NOMO1: variants seen among roughly 807,000 people sequenced by gnomAD.
NOMO1 encodes the protein NODAL modulator 1, also known as nodal modulator 3.
NOMO1 carries 40 observed loss-of-function variants against 133.8 expected under a neutral mutation model. That is an observed-to-expected ratio of 0.30 (90% CI 0.23 to 0.39). NOMO1 has a LOEUF of 0.39. Among genes scored for constraint, NOMO1 ranks in the 10% least tolerant of loss-of-function variants. The pLI is 1.00. For missense variants in NOMO1, 462 were observed against 1,419.9 expected (o/e 0.33, Z 10.84); for synonymous variants, 236 against 570.5 (o/e 0.41, Z 8.36).
At chr16:14,851,205 G>A (rs1963754161) in intron 6 of NOMO1, among the ~76,000 whole-genome samples, 1 of 151,566 alleles carries the variant, frequency 6.6e-6, no homozygotes, top group Non-Finnish European at 1.5e-5. Flanking sequence ...TTATTAATAT[G>A]AGATTGGGAT....
At position 14,853,674 on chromosome 16, in the gene NOMO1, T is replaced by C. The variant is rs1190865178; in HGVS notation, c.873+70T>C. On this transcript the variant is annotated intron_variant, in intron 8 of 30. Transcript: ENST00000287667. Reference sequence around the variant, plus strand: ...TGACACAGTAAAAGCCAATGCTGTTTGGGTGTTAAAGGAAAAGATGGTTGG... The same window carrying C: ...TGACACAGTAAAAGCCAATGCTGTTCGGGTGTTAAAGGAAAAGATGGTTGG... 4 of 1,610,490 alleles carry C rather than the reference T, an allele frequency of 2.5e-6. No individual in the cohort carries two copies. The Admixed American group carries it at 6.7e-5, about 27-fold the overall frequency.
intron 29 of NOMO1, among the ~76,000 whole-genome samples, chr16:14,891,936 C>A (rs1186128154): frequency 6.6e-6 from 1 of 152,052 alleles, no homozygotes; most frequent in Non-Finnish European, 1.5e-5. Context: ...ACAGTAGAGA[C>A]CTGGTTAGAA....
At chr16:14,845,602 A>G (rs1567537137) in intron 4 of NOMO1, among the ~76,000 whole-genome samples, 1 of 151,892 alleles carries the variant, frequency 6.6e-6, no homozygotes, top group Non-Finnish European at 1.5e-5. Context: ...CTCAGGGGAG[A>G]GTCATTTCTC....
Position 14,846,669 on chromosome 16 carries a change from A to G in NOMO1, c.495A>G (p.Thr165=), listed in dbSNP as rs779441604. ...GTEAKIQSTV[T]QPGGKFAFFK... is the part of the protein sequence containing the mutation. ...AAGCAAAGATCCAGTCCACAGTTACACAGCCTGGCGGAAAGTGAGTAGCGT... is the reference window on the plus strand; with the variant it reads ...AAGCAAAGATCCAGTCCACAGTTACGCAGCCTGGCGGAAAGTGAGTAGCGT... The change falls in exon 5 of 31, where the codon ACA becomes ACG. Residue 165 remains threonine (T), a synonymous_variant. Coordinates refer to ENST00000287667, the MANE Select transcript of NOMO1 (RefSeq NM_014287.4). 5 of 1,264,470 alleles carry G rather than the reference A, an allele frequency of 4.0e-6. No homozygotes were observed. The highest frequency in any genetic ancestry group is 5.6e-6 in the Non-Finnish European group (5 of 895,216). 78.3% of individuals were successfully genotyped at this position (1,264,470 alleles called of 1,614,324 possible).
chr16:14,853,664 C>T, intron 8 of NOMO1, 60 bp downstream of exon 8: 2 of 1,611,078 alleles, frequency 1.2e-6, no homozygotes, highest in Admixed American at 1.7e-5. Context: ...CAGTAAAAGC[C>T]AATGCTGTTT....
intron 11 of NOMO1, among the ~76,000 whole-genome samples, chr16:14,860,655 T>G (rs1963910696): frequency 6.6e-6 from 1 of 151,974 alleles, no homozygotes; most frequent in Admixed American, 6.6e-5. Context: ...GTTTCTTATT[T>G]GAGCCACTGG....
intron 2 of NOMO1, among the ~76,000 whole-genome samples, chr16:14,839,577 CAT>C (rs1490361700): frequency 2.0e-5 from 3 of 150,304 alleles, no homozygotes; most frequent in African/African-American, 7.3e-5. Context: ...AGTCAATACA[CAT>C]AGTTTTGATT....
Position 14,859,381 on chromosome 16 carries a change from G to A in NOMO1, c.1220+1726G>A, listed in dbSNP as rs569485398. On this transcript the variant is annotated intron_variant, in intron 11 of 30. Coordinates refer to ENST00000287667, the MANE Select transcript of NOMO1 (RefSeq NM_014287.4). ...CTCAGAAAGTAATTCTTGGATTTAA[G>A]TCTTTCCCACCTTCCATAAACACTT... 2.0e-5 allele frequency among the ~76,000 whole-genome samples: 3 copies of A among 152,094 alleles called. No individual in the cohort carries two copies. The East Asian group carries it at 5.8e-4, about 29-fold the overall frequency.
intron 29 of NOMO1, among the ~76,000 whole-genome samples, chr16:14,892,171 G>A (rs1964413941): frequency 6.6e-6 from 1 of 151,726 alleles, no homozygotes; most frequent in Non-Finnish European, 1.5e-5. Context: ...TGTGAACCTG[G>A]GATGCAGAGT....
At chr16:14,844,958 G>A (rs1471074486) in intron 4 of NOMO1, among the ~76,000 whole-genome samples, 184 bp downstream of exon 4, 1 of 151,956 alleles carries the variant, frequency 6.6e-6, no homozygotes, top group Non-Finnish European at 1.5e-5. Context: ...GTGTATTTAG[G>A]AATGAGATTG....
intron 3 of NOMO1, among the ~76,000 whole-genome samples, chr16:14,843,551 C>T (rs1963636401): frequency 6.6e-6 from 1 of 151,834 alleles, no homozygotes; most frequent in African/African-American, 2.4e-5. Flanking sequence ...TTTAGCCCTT[C>T]TGGTGGGGGT....
chr16:14,842,576 C>G (rs1597091967), intron 3 of NOMO1, among the ~76,000 whole-genome samples: 1 of 151,816 alleles, frequency 6.6e-6, no homozygotes, highest in East Asian at 1.9e-4. Flanking sequence ...CAGAAAAGTG[C>G]CTTGGATGAA....
rs1370796361 is a variant in NOMO1, at chr16:14,876,530, A to G, written c.2516+12A>G. On this transcript the variant is annotated intron_variant, in intron 21 of 30. Transcript: ENST00000287667. ...AAAGGTGCCTACAGGTGAGCCCGGG[A>G]TAGAGACACATGTGCCTGGGATCAG... 3.7e-6 allele frequency: 6 copies of G among 1,611,420 alleles called. No homozygotes were observed. In the African/African-American group the frequency reaches 8.0e-5, roughly 22 times the overall value.
chr16:14,874,281 T>TG (rs1324122970), intron 18 of NOMO1, among the ~76,000 whole-genome samples: 2 of 151,870 alleles, frequency 1.3e-5, no homozygotes, highest in African/African-American at 4.8e-5. Flanking sequence ...TGACATCTGC[T>TG]GCCCCTTGGA....
Position 14,884,481 on chromosome 16 carries a change from G to A in NOMO1, c.3221G>A (p.Trp1074Ter). Reference sequence around the variant, plus strand: ...TCCTCTGAATACCTTCCTACATTATGGGTAAGTCCAGACTTTTAAGCTCCA... The same window carrying A: ...TCCTCTGAATACCTTCCTACATTATAGGTAAGTCCAGACTTTTAAGCTCCA... The part of the protein sequence containing the change: ...ITSSEYLPTL[W>*]VKLYKSENLD... The change falls in exon 27 of 31, where the codon TGG becomes TAG. Residue 1074 changes from tryptophan to a stop codon, truncating the protein, a stop_gained and splice_region_variant. Transcript: ENST00000287667. LOFTEE classifies it high-confidence loss of function. The A allele has an allele frequency of 6.2e-7, 1 of 1,611,624 alleles. No homozygotes were observed. Among genetic ancestry groups the A allele is most frequent in the Non-Finnish European group, 8.5e-7 (1 of 1,179,746 alleles).
intron 11 of NOMO1, among the ~76,000 whole-genome samples, chr16:14,861,708 G>C (rs1186933542): frequency 6.6e-6 from 1 of 151,328 alleles, no homozygotes; most frequent in Non-Finnish European, 1.5e-5. Flanking sequence ...TGAGCCATAC[G>C]GTCTCTAGGA....
Position 14,864,675 on chromosome 16 carries a change from G to T in NOMO1, c.1486G>T (p.Val496Leu). 1 of 1,613,072 alleles carries T rather than the reference G, an allele frequency of 6.2e-7. No homozygotes were observed. Among genetic ancestry groups the T allele is most frequent in the Non-Finnish European group, 8.5e-7 (1 of 1,179,696 alleles). ...LTVTNRPMMD[V>L]AFVQFLASVS... Reference sequence around the variant, plus strand: ...TGTGACCAACAGGCCCATGATGGATGTGGCCTTTGTACAGTTCTTGGCATC... The same window carrying T: ...TGTGACCAACAGGCCCATGATGGATTTGGCCTTTGTACAGTTCTTGGCATC... Residue 496 changes from valine to leucine, a missense_variant, in exon 13 of 31, where the codon GTG becomes TTG. Transcript: ENST00000287667.
intron 14 of NOMO1, 92 bp from the exon 15 acceptor site, chr16:14,866,463 A>C (rs1963996383): frequency 3.1e-6 from 5 of 1,607,534 alleles, no homozygotes; most frequent in Non-Finnish European, 4.2e-6. Context: ...GCTTTTTAAA[A>C]TTGATTAATT....
At chr16:14,893,161 C>G (rs1470078273) in intron 29 of NOMO1, among the ~76,000 whole-genome samples, 1 of 150,456 alleles carries the variant, frequency 6.6e-6, no homozygotes, top group South Asian at 2.1e-4. Context: ...CTGAATCACT[C>G]TAATTCCTGC....
Sources: gnomAD v4.1 joint callset for allele counts (sites outside exome capture counted in the v4.1 genomes callset) on GRCh38, gnomAD v4.1.1 for gene constraint, MANE v1.5 for transcripts, NCBI Gene and HGNC (gene_info 2026-07-23, HGNC 2026-07-21) for gene names.